Variants in CACUL1 observed in about 807,000 individuals in gnomAD.
The protein encoded by CACUL1 is CDK2 associated cullin domain 1.
In CACUL1, 13 loss-of-function variants were observed where a neutral mutation model predicts 45.2. The observed-to-expected ratio is 0.29, with a 90% confidence interval of 0.19 to 0.46. The LOEUF (loss-of-function observed/expected upper bound fraction) is 0.46. Ranked by LOEUF, CACUL1 falls within the 20% of genes least tolerant of loss-of-function variation. The pLI is 1.00. For missense variants in CACUL1, 421 were observed against 471.4 expected, an observed-to-expected ratio of 0.89 and a Z score of 0.99; for synonymous variants, 197 against 174.2, an observed-to-expected ratio of 1.13 and a Z score of -1.03.
At chr10:118,737,253 ATTTG>A (rs1309091750) in intron 1 of CACUL1, among the ~76,000 whole-genome samples, 3 of 151,950 alleles carry the variant, frequency 2.0e-5, no homozygotes, top group East Asian at 3.9e-4. Context: ...TGCTTTAGGT[ATTTG>A]TTTGGGAAGT....
At chr10:118,739,671 G>A (rs1467526372) in intron 1 of CACUL1, among the ~76,000 whole-genome samples, 1 of 152,152 alleles carries the variant, frequency 6.6e-6, no homozygotes, top group Non-Finnish European at 1.5e-5. Flanking sequence ...AGGAAGACAA[G>A]CAATCATTCC....
At chr10:118,706,111 T>A (rs1206871926) in intron 4 of CACUL1, among the ~76,000 whole-genome samples, 1 of 152,246 alleles carries the variant, frequency 6.6e-6, no homozygotes, top group Non-Finnish European at 1.5e-5. Flanking sequence ...AAAGCGTGAA[T>A]CACCTTCCTG....
chr10:118,694,761 C>A (rs1296579515), intron 6 of CACUL1, among the ~76,000 whole-genome samples: 3 of 152,196 alleles, frequency 2.0e-5, no homozygotes, highest in African/African-American at 4.8e-5. Context: ...CTTCTAGATT[C>A]TTCGCAAGTT....
chr10:118,745,992 A>C (rs1845839702), intron 1 of CACUL1, among the ~76,000 whole-genome samples: 1 of 151,356 alleles, frequency 6.6e-6, no homozygotes, highest in East Asian at 1.9e-4. Flanking sequence ...AAAATACAAA[A>C]AAAAAAAAAA....
At chr10:118,693,735 T>C (rs1845293793) in intron 6 of CACUL1, 2 of 456,804 alleles carry the variant, frequency 4.4e-6, no homozygotes, top group Non-Finnish European at 8.8e-6. Context: ...CACACTGCTG[T>C]AAAATTCTGA....
chr10:118,708,665 A>G (rs1845455650), intron 3 of CACUL1, among the ~76,000 whole-genome samples: 1 of 152,180 alleles, frequency 6.6e-6, no homozygotes, highest in Non-Finnish European at 1.5e-5. Context: ...CGAAGTCACA[A>G]TGGTAGAGCT....
chr10:118,704,647 C>T (rs774523370), intron 4 of CACUL1, among the ~76,000 whole-genome samples: 1 of 152,196 alleles, frequency 6.6e-6, no homozygotes, highest in Non-Finnish European at 1.5e-5. Flanking sequence ...ACTGTTATGC[C>T]CACCTTTGAG....
intron 4 of CACUL1, among the ~76,000 whole-genome samples, chr10:118,702,978 A>G (rs1845398284): frequency 6.6e-6 from 1 of 152,136 alleles, no homozygotes; most frequent in African/African-American, 2.4e-5. Flanking sequence ...TTTAATTTAA[A>G]AAATTTTTTT....
At chr10:118,750,053 G>A (rs190763009) in intron 1 of CACUL1, among the ~76,000 whole-genome samples, 68 of 152,312 alleles carry the variant, frequency 4.5e-4, no homozygotes, top group Middle Eastern at 3.4e-3. Flanking sequence ...AGGGCCGGGC[G>A]TGGTGGCTCA....
chr10:118,753,657 G>C (rs1027235816), intron 1 of CACUL1, among the ~76,000 whole-genome samples: 1 of 152,224 alleles, frequency 6.6e-6, no homozygotes, highest in Admixed American at 6.5e-5. Context: ...GCGTGCAATT[G>C]AGCGTTAAGA....
At chr10:118,731,691 G>A (rs1193272548) in intron 1 of CACUL1, among the ~76,000 whole-genome samples, 1 of 152,194 alleles carries the variant, frequency 6.6e-6, no homozygotes, top group Non-Finnish European at 1.5e-5. Context: ...GGGCTGGAAG[G>A]TGGGGAGAAG....
At position 118,686,604 on chromosome 10, in the gene CACUL1, C is replaced by A; in HGVS notation, c.1063G>T (p.Ala355Ser). The stretch of plus-strand genomic sequence containing the variant: ...AAGGAACATCATTACTTACTATAAG[C>A]CAACTCATCCCCAGCTCTCTTCCGG... ...QSRKRAGDELAYNSSSACASS... is the reference protein window; with the variant it reads ...QSRKRAGDELSYNSSSACASS... The change falls in exon 8 of 9, where the codon GCT (alanine) becomes TCT (serine). Residue 355 changes from alanine (A) to serine (S), a missense_variant. Around this residue, in one of 2 missense-constraint regions of CACUL1, gnomAD observed 208 missense variants for 298.4 expected, o/e 0.70. Transcript: ENST00000369151. The A allele has an allele frequency of 3.1e-6, 5 of 1,613,030 alleles. No homozygotes were observed. Among genetic ancestry groups the A allele is most frequent in the Non-Finnish European group, 4.2e-6 (5 of 1,178,996 alleles).
chr10:118,712,683 T>C (rs910104964), intron 3 of CACUL1, among the ~76,000 whole-genome samples: 23 of 152,224 alleles, frequency 1.5e-4, no homozygotes, highest in African/African-American at 3.9e-4. Context: ...AAAGGGTAGC[T>C]CCTCTCTGCA....
At chr10:118,700,049 GA>G (rs939257519) in intron 5 of CACUL1, among the ~76,000 whole-genome samples, 8 of 148,488 alleles carry the variant, frequency 5.4e-5, no homozygotes, top group African/African-American at 2.0e-4. Context: ...ACTATTCTTT[GA>G]AAAAAAAACC....
chr10:118,710,654 T>C (rs1012796437), intron 3 of CACUL1, among the ~76,000 whole-genome samples: 3 of 152,072 alleles, frequency 2.0e-5, no homozygotes, highest in African/African-American at 7.2e-5. Flanking sequence ...TGCACTCACT[T>C]CCCTCACTGG....
intron 7 of CACUL1, among the ~76,000 whole-genome samples, chr10:118,690,766 C>T (rs952789391): frequency 1.3e-4 from 20 of 152,320 alleles, no homozygotes; most frequent in African/African-American, 4.8e-4. Context: ...AATGTATGGG[C>T]CGGGCATGGT....
rs763901135 is a variant in CACUL1, at chr10:118,754,659, G to T, written c.104C>A (p.Pro35His). 1.2e-6 allele frequency: 2 copies of T among 1,607,366 alleles called. No individual in the cohort carries two copies. The highest frequency in any genetic ancestry group is 2.2e-5 in the South Asian group (2 of 90,674). ...CGAGGGGGGCGGCGGAGGTGGCAGG[G>T]GCTGCCGGAAGCCGTCCACCGCAGC... ...WEAAVDGFRQ[P>H]LPPPPPPSSI... Residue 35 changes from proline to histidine, a missense_variant, in exon 1 of 9, where the codon CCC (proline) becomes CAC (histidine). This residue lies in a region of CACUL1 where 213 missense variants were observed against 173.1 expected (regional missense o/e 1.23). Transcript: ENST00000369151.
chr10:118,754,960 T>G lies in CACUL1; in HGVS notation c.-198A>C. The G allele has an allele frequency of 1.6e-6, 1 of 615,812 alleles. No individual in the cohort carries two copies. Among genetic ancestry groups the G allele is most frequent in the Non-Finnish European group, 2.6e-6 (1 of 387,526 alleles). 38.1% of individuals were successfully genotyped at this position (615,812 alleles called of 1,614,324 possible). A position where few individuals can be genotyped will look rare whatever the true frequency, so the allele number is the denominator to read the frequency against. On this transcript the variant is annotated 5_prime_UTR_variant, in exon 1 of 9. Transcript: ENST00000369151. ...AGACGCGGCTGACGGCGGTGGGCGC[T>G]CCGGGGCTCTAGTCTGGGAGAGGCA...
chr10:118,686,704 A>T, intron 7 of CACUL1, 63 bp from the exon 8 acceptor site: 2 of 1,137,034 alleles, frequency 1.8e-6, no homozygotes, highest in East Asian at 4.7e-5. Flanking sequence ...GAAAGGATCA[A>T]CATATTTGAT....
Sources: allele counts gnomAD v4.1 joint callset (sites outside exome capture counted in the v4.1 genomes callset), GRCh38; gene constraint gnomAD v4.1.1; regional missense constraint gnomAD v4.1.1; transcripts MANE v1.5; gene names NCBI Gene and HGNC (gene_info 2026-07-23, HGNC 2026-07-21).